The following CDNF variants were observed in gnomAD, a reference collection of about 807,000 sequenced individuals.
The protein encoded by CDNF is cerebral dopamine neurotrophic factor.
A neutral mutation model predicts 14.8 loss-of-function variants in CDNF; 9 were observed. The observed-to-expected ratio is 0.61, with a 90% CI of 0.37 to 1.06. The LOEUF (loss-of-function observed/expected upper bound fraction) is 1.06. Among genes scored for constraint, CDNF ranks in the 50% least tolerant of loss-of-function variants. The pLI, the probability that CDNF is intolerant of heterozygous loss-of-function variation, is 0.01. For missense variants in CDNF, 228 were observed against 228.4 expected (o/e 1.00, Z 0.01); for synonymous variants, 86 against 87.2 (o/e 0.99, Z 0.07).
intron 3 of CDNF, among the ~76,000 whole-genome samples, chr10:14,821,388 T>C (rs965359067): frequency 8.5e-5 from 13 of 152,218 alleles, no homozygotes; most frequent in African/African-American, 3.1e-4. Context: ...CCTCCCAAAG[T>C]GCTGGAATTA....
Position 14,829,064 on chromosome 10 carries a change from C to A in CDNF, c.116-792G>T, listed in dbSNP as rs772609857. On this transcript the variant is annotated intron_variant, in intron 1 of 3. Coordinates refer to ENST00000465530, the MANE Select transcript of CDNF (RefSeq NM_001029954.3). ...TATAAATAAAAAGAATGATTTCAGG[C>A]CTGTTGCTATTAGTTTAGTATTGGG... is the stretch of plus-strand genomic sequence containing the variant. Among the ~76,000 whole-genome samples the A allele has an allele frequency of 6.4e-4, 97 of 152,104 alleles. No individual in the cohort carries two copies. In the Middle Eastern group the frequency reaches 0.01, roughly 16 times the overall value.
intron 3 of CDNF, among the ~76,000 whole-genome samples, chr10:14,822,696 C>T (rs1221499602): frequency 1.3e-5 from 2 of 152,162 alleles, no homozygotes; most frequent in Non-Finnish European, 2.9e-5. Context: ...AGCTTGACTT[C>T]TCTTGAAAGT....
intron 3 of CDNF, 94 bp from the exon 4 acceptor site, chr10:14,820,252 G>A: frequency 8.2e-7 from 1 of 1,216,148 alleles, no homozygotes; most frequent in Non-Finnish European, 1.2e-6. Flanking sequence ...GCTTATCTTG[G>A]TGCTGACTAC....
chr10:14,821,228 G>T (rs765108128), intron 3 of CDNF, among the ~76,000 whole-genome samples: 7 of 151,640 alleles, frequency 4.6e-5, no homozygotes, highest in Admixed American at 4.6e-4. Flanking sequence ...TGGTTCAAGC[G>T]ATTCTCCTGT....
chr10:14,832,385 G>C (rs1231511968), intron 1 of CDNF, among the ~76,000 whole-genome samples: 2 of 152,204 alleles, frequency 1.3e-5, no homozygotes, highest in Non-Finnish European at 2.9e-5. Context: ...AGCATGCTGG[G>C]GCATCCAGGG....
chr10:14,836,707 C>T (rs1280259402), intron 1 of CDNF, among the ~76,000 whole-genome samples: 1 of 152,092 alleles, frequency 6.6e-6, no homozygotes, highest in East Asian at 1.9e-4. Context: ...TGAGGCGGGC[C>T]GATCACCTGA....
intron 3 of CDNF, among the ~76,000 whole-genome samples, chr10:14,821,587 T>C (rs760217339): frequency 7.2e-5 from 11 of 152,176 alleles, no homozygotes; most frequent in Admixed American, 4.6e-4. Context: ...CTGAGTATGG[T>C]CCCAGAACCC....
intron 2 of CDNF, among the ~76,000 whole-genome samples, chr10:14,826,260 TAGA>T (rs1833790964): frequency 1.0e-5 from 1 of 100,074 alleles, no homozygotes; most frequent in African/African-American, 4.0e-5. Context: ...TAAGAAGCAG[TAGA>T]AGAAGCAGCA....
chr10:14,828,371 G>T, intron 1 of CDNF, 99 bp from the exon 2 acceptor site: 1 of 1,174,936 alleles, frequency 8.5e-7, no homozygotes, highest in Non-Finnish European at 1.2e-6. Context: ...ATATGGGGCT[G>T]GGCATGGTGG....
At chr10:14,835,436 G>C (rs1038888925) in intron 1 of CDNF, among the ~76,000 whole-genome samples, 1 of 152,182 alleles carries the variant, frequency 6.6e-6, no homozygotes, top group Non-Finnish European at 1.5e-5. Flanking sequence ...CTCTGAAAGG[G>C]AAAGATGTCA....
At chr10:14,821,546 T>G (rs1174957990) in intron 3 of CDNF, among the ~76,000 whole-genome samples, 2 of 152,246 alleles carry the variant, frequency 1.3e-5, no homozygotes, top group Non-Finnish European at 2.9e-5. Context: ...ATGGGTTATA[T>G]GCAAACACTT....
chr10:14,820,286 A>C, intron 3 of CDNF, 128 bp from the exon 4 acceptor site: 1 of 923,414 alleles, frequency 1.1e-6, no homozygotes, highest in South Asian at 1.7e-5. Flanking sequence ...GCAGGGAAGA[A>C]TTCCAGTTTC....
At chr10:14,835,679 A>G (rs1279857746) in intron 1 of CDNF, among the ~76,000 whole-genome samples, 1 of 152,238 alleles carries the variant, frequency 6.6e-6, no homozygotes, top group Non-Finnish European at 1.5e-5. Context: ...ATTTTAAAAT[A>G]AAAAGTTATT....
Position 14,825,932 on chromosome 10 carries a change from C to T in CDNF, c.244-312G>A, listed in dbSNP as rs375876120. 4.8e-4 allele frequency among the ~76,000 whole-genome samples: 72 copies of T among 150,082 alleles called. 1 individual carries two copies. Among genetic ancestry groups the T allele is most frequent in the East Asian group, 4.5e-3 (23 of 5,118 alleles). ...TGCCAGGGCACTCCAGCCTGGGTGA[C>T]AGAGTGAGACTCCATCTCAAAAAAA... is the stretch of plus-strand genomic sequence containing the variant. On this transcript the variant is annotated intron_variant, in intron 2 of 3. Coordinates refer to ENST00000465530, the MANE Select transcript of CDNF (RefSeq NM_001029954.3).
intron 1 of CDNF, among the ~76,000 whole-genome samples, chr10:14,831,451 G>A (rs1400881367): frequency 2.0e-5 from 3 of 148,736 alleles, no homozygotes; most frequent in Non-Finnish European, 3.0e-5. Context: ...TCATCTTTTA[G>A]AGCTTAAAGT....
chr10:14,826,479 GAAAAAGAAGAAGAAGAAGAAGAAA>G (rs1833796736), intron 2 of CDNF, among the ~76,000 whole-genome samples: 1 of 117,366 alleles, frequency 8.5e-6, no homozygotes. Context: ...AGAAGAAGAA[GAAAAAGAAGAAGAAGAAGAAGAAA>G]AAGAAGCAGC....
chr10:14,837,366 C>T (rs1444007013), intron 1 of CDNF, among the ~76,000 whole-genome samples: 1 of 152,196 alleles, frequency 6.6e-6, no homozygotes, highest in Non-Finnish European at 1.5e-5. Flanking sequence ...CAATTTTCAC[C>T]TACAGAGTCC....
intron 3 of CDNF, among the ~76,000 whole-genome samples, chr10:14,820,610 G>A (rs561517612): frequency 1.3e-5 from 2 of 152,104 alleles, no homozygotes; most frequent in South Asian, 4.2e-4. Flanking sequence ...TGGCATGCCT[G>A]TAATCCCAGC....
intron 3 of CDNF, among the ~76,000 whole-genome samples, chr10:14,824,081 C>A (rs79004966): frequency 0.014 from 2,205 of 152,260 alleles, 61 homozygotes; most frequent in African/African-American, 0.049. Context: ...GAGGTGGATG[C>A]TAATTACTTA....
Sources: allele counts gnomAD v4.1 joint callset (sites outside exome capture counted in the v4.1 genomes callset), GRCh38; gene constraint gnomAD v4.1.1; transcripts MANE v1.5; gene names NCBI Gene and HGNC (gene_info 2026-07-23, HGNC 2026-07-21).